RPH3A: variants seen among roughly 807,000 people sequenced by gnomAD.
RPH3A encodes rabphilin-3A.
In RPH3A, 48 loss-of-function variants were observed where a neutral mutation model predicts 102.2. The observed-to-expected ratio is 0.47, with a 90% CI of 0.37 to 0.60. The LOEUF is 0.60. Ranked by LOEUF, RPH3A falls within the 20% of genes least tolerant of loss-of-function variation. RPH3A has a pLI of 0.00. For synonymous variants in RPH3A, 310 were observed against 324.3 expected (o/e 0.96, Z 0.47); for missense variants, 781 against 910.1 (o/e 0.86, Z 1.83).
chr12:112,787,896 G>C (rs1461841464), upstream of RPH3A, among the ~76,000 whole-genome samples: 1 of 152,192 alleles, frequency 6.6e-6, no homozygotes, highest in African/African-American at 2.4e-5. Flanking sequence ...GGCTGCCTCT[G>C]CTCCATAAAA....
At chr12:112,593,879 C>G (rs996210186) in intron 1 of RPH3A, among the ~76,000 whole-genome samples, 6 of 152,198 alleles carry the variant, frequency 3.9e-5, no homozygotes, top group African/African-American at 1.4e-4. Flanking sequence ...TCCTTGATCA[C>G]TAGACTGGAT....
chr12:112,764,412 A>T (rs2040874606), intron 1 of RPH3A, among the ~76,000 whole-genome samples: 1 of 152,216 alleles, frequency 6.6e-6, no homozygotes, highest in Non-Finnish European at 1.5e-5. Context: ...GTCAAACCTC[A>T]GAGGGAATAG....
Position 112,866,733 on chromosome 12 carries a change from G to A in RPH3A, c.361-24G>A, listed in dbSNP as rs745564443. 5 of 1,598,874 alleles carry A rather than the reference G, an allele frequency of 3.1e-6. No homozygotes were observed. The Admixed American group carries it at 8.4e-5, about 27-fold the overall frequency. Reference sequence around the variant, plus strand: ...TCCCATGAGCATGGCTCATCTGAGTGTGTTGGCTGTGTTTCATCCACAGAA... The same window carrying A: ...TCCCATGAGCATGGCTCATCTGAGTATGTTGGCTGTGTTTCATCCACAGAA... On this transcript the variant is annotated intron_variant, in intron 6 of 21. Coordinates refer to ENST00000389385, the MANE Select transcript of RPH3A (RefSeq NM_001143854.2).
At chr12:112,865,311 G>A (rs1202719227) in intron 5 of RPH3A, 103 bp from the exon 6 acceptor site, 3 of 1,351,576 alleles carry the variant, frequency 2.2e-6, no homozygotes, top group Non-Finnish European at 3.1e-6. Flanking sequence ...ACGCACAACA[G>A]CGTATGACTC....
intron 1 of RPH3A, among the ~76,000 whole-genome samples, chr12:112,606,744 C>T (rs1181648665): frequency 1.3e-5 from 2 of 152,144 alleles, no homozygotes; most frequent in Non-Finnish European, 2.9e-5. Flanking sequence ...AACAAGGCAA[C>T]AGGAGAGAGT....
At chr12:112,618,587 T>C (rs2039698477) in intron 1 of RPH3A, among the ~76,000 whole-genome samples, 1 of 152,248 alleles carries the variant, frequency 6.6e-6, no homozygotes, top group South Asian at 2.1e-4. Context: ...AGTCTCCATC[T>C]TGTAACGTAG....
At chr12:112,587,182 T>A (rs551743778) in intron 1 of RPH3A, among the ~76,000 whole-genome samples, 43 of 152,358 alleles carry the variant, frequency 2.8e-4, no homozygotes, top group African/African-American at 9.4e-4. Flanking sequence ...TCCCTTCTGA[T>A]TTGTGGAAAT....
intron 1 of RPH3A, among the ~76,000 whole-genome samples, chr12:112,589,711 C>T (rs899022137): frequency 2.4e-4 from 36 of 152,222 alleles, no homozygotes; most frequent in African/African-American, 8.4e-4. Context: ...TGCCCCTGCA[C>T]CATTTGCTCC....
At chr12:112,614,867 C>T (rs1361362001) in intron 1 of RPH3A, among the ~76,000 whole-genome samples, 1 of 152,074 alleles carries the variant, frequency 6.6e-6, no homozygotes, top group Non-Finnish European at 1.5e-5. Flanking sequence ...TCACTGCAGT[C>T]TTGAACTCTT....
At position 112,632,628 on chromosome 12, in the gene RPH3A, C is replaced by T. The variant is rs1003614558; in HGVS notation, c.-140+57309C>T. Among the ~76,000 whole-genome samples the T allele has an allele frequency of 1.5e-4, 23 of 152,172 alleles. 1 individual carries two copies. Among genetic ancestry groups the T allele is most frequent in the African/African-American group, 2.4e-5 (1 of 41,444 alleles). The stretch of plus-strand genomic sequence containing the variant: ...TGGCTTTATCAACTTACATATTCTT[C>T]ACTGGGTTACAGAGAAGATACCACA... On this transcript the variant is annotated intron_variant, in intron 1 of 21. Coordinates refer to the RPH3A transcript ENST00000543106.
At chr12:112,676,723 G>A (rs2040177510) in intron 1 of RPH3A, among the ~76,000 whole-genome samples, 1 of 152,178 alleles carries the variant, frequency 6.6e-6, no homozygotes, top group Non-Finnish European at 1.5e-5. Flanking sequence ...AGAATGCCAG[G>A]CCCGTCTCCC....
Position 112,847,679 on chromosome 12 carries a change from C to T in RPH3A, c.84-17C>T, listed in dbSNP as rs771846159. On this transcript the variant is annotated splice_polypyrimidine_tract_variant and intron_variant, in intron 4 of 21. Transcript: ENST00000389385. ...TATTTTCTGCCCACCCTCACACCTT[C>T]CCAAATTTCCTTTCAGGCTCCAGGC... 3 of 1,612,612 alleles carry T rather than the reference C, an allele frequency of 1.9e-6. No individual in the cohort carries two copies. Among genetic ancestry groups the T allele is most frequent in the East Asian group, 2.2e-5 (1 of 44,876 alleles).
upstream of RPH3A, among the ~76,000 whole-genome samples, chr12:112,790,077 A>G (rs1421855255): frequency 1.3e-5 from 2 of 150,454 alleles, no homozygotes; most frequent in Admixed American, 6.6e-5. Flanking sequence ...TTTTTTTGAG[A>G]TGGAGTTTCA....
intron 1 of RPH3A, among the ~76,000 whole-genome samples, chr12:112,740,419 A>G (rs1169241355): frequency 6.6e-6 from 1 of 152,226 alleles, no homozygotes; most frequent in Non-Finnish European, 1.5e-5. Context: ...TATCACCAGA[A>G]AAATACACTC....
At chr12:112,636,020 A>C (rs1034874659) in intron 1 of RPH3A, among the ~76,000 whole-genome samples, 3 of 152,188 alleles carry the variant, frequency 2.0e-5, no homozygotes, top group African/African-American at 7.2e-5. Context: ...AATAAAAAAA[A>C]ATCAGTGTCT....
Position 112,776,889 on chromosome 12 carries a change from AAAAAAAAAAAAAAAAAAAAAAAG to A in RPH3A, c.-139-15250_-139-15228del, listed in dbSNP as rs1328093898. Among the ~76,000 whole-genome samples the A allele has an allele frequency of 4.8e-4, 70 of 146,272 alleles. 1 individual carries two copies. In the South Asian group the frequency reaches 9.6e-3, roughly 20 times the overall value. ...ACTCCATCTCAAAAAAAAAAAAAAA[AAAAAAAAAAAAAAAAAAAAAAAG>A]AAAGTGCAAGGCCTCTTAAAGTCTA... On this transcript the variant is annotated intron_variant, in intron 1 of 21. Transcript: ENST00000543106.
chr12:112,683,788 T>A (rs1369813600), intron 1 of RPH3A, among the ~76,000 whole-genome samples: 1 of 152,182 alleles, frequency 6.6e-6, no homozygotes, highest in Admixed American at 6.5e-5. Flanking sequence ...CTTGCCATAC[T>A]GGAGAAAGCT....
chr12:112,639,621 A>C (rs2039872453), intron 1 of RPH3A, among the ~76,000 whole-genome samples: 1 of 152,126 alleles, frequency 6.6e-6, no homozygotes, highest in African/African-American at 2.4e-5. Context: ...ACAAACCTGC[A>C]CATGTACCCT....
At chr12:112,861,638 T>A (rs957803450) in intron 5 of RPH3A, among the ~76,000 whole-genome samples, 11 of 152,180 alleles carry the variant, frequency 7.2e-5, no homozygotes. Flanking sequence ...AACCACTTAA[T>A]CTTTCTGTGT....
Sources: allele counts gnomAD v4.1 joint callset (sites outside exome capture counted in the v4.1 genomes callset), GRCh38; gene constraint gnomAD v4.1.1; transcripts MANE v1.5; gene names NCBI Gene and HGNC (gene_info 2026-07-23, HGNC 2026-07-21).